Variants in SCRN1 observed in about 807,000 individuals in gnomAD.
The protein encoded by SCRN1 is secernin-1.
In SCRN1, 19 loss-of-function variants were observed where a neutral mutation model predicts 43.3. That is an observed-to-expected ratio of 0.44 (90% CI 0.31 to 0.64). The LOEUF is 0.64. SCRN1 is among the 30% of genes least tolerant of loss of function. The pLI is 0.09. For synonymous variants in SCRN1, 183 were observed against 188.9 expected, an observed-to-expected ratio of 0.97 and a Z score of 0.26; for missense variants, 447 against 524.1, an observed-to-expected ratio of 0.85 and a Z score of 1.44.
At position 29,940,882 on chromosome 7, in the gene SCRN1, G is replaced by C; in HGVS notation, c.545-6C>G. ...GCAAATGCACCTCACTCCCTCTGCA[G>C]AGAGTGCAAAGCCCCATAAGTTAAA... On this transcript the variant is annotated splice_polypyrimidine_tract_variant and splice_region_variant and intron_variant, in intron 4 of 7. Transcript: ENST00000242059. The C allele has an allele frequency of 6.6e-7, 1 of 1,514,424 alleles. No individual in the cohort carries two copies. The highest frequency in any genetic ancestry group is 8.8e-7 in the Non-Finnish European group (1 of 1,137,754). 93.8% of individuals were successfully genotyped at this position (1,514,424 alleles called of 1,614,324 possible).
At chr7:29,989,890 G>T, upstream of SCRN1, 1 of 1,014,702 alleles carries the variant, frequency 9.9e-7, no homozygotes, top group Non-Finnish European at 1.2e-6. Flanking sequence ...CCCGGCCCCC[G>T]GGGCCCCGCC....
In SCRN1 at chr7:29,965,123, A is replaced by G. The variant is rs1788446928; in HGVS notation, c.159+3786T>C. Among the ~76,000 whole-genome samples the G allele has an allele frequency of 6.6e-6, 1 of 152,148 alleles. No individual in the cohort carries two copies. The highest frequency in any genetic ancestry group is 2.1e-4 in the South Asian group (1 of 4,824). On this transcript the variant is annotated intron_variant, in intron 2 of 7. Coordinates refer to ENST00000242059, the MANE Select transcript of SCRN1 (RefSeq NM_014766.5). This position sits in a 1 kb window ranked among gnomAD's most constrained non-coding sequence, Gnocchi z 4.2. The stretch of plus-strand genomic sequence containing the variant: ...CTGTAAACATAAAACTGCTCTAAAA[A>G]TAGTCTATCAATTTAAAATAGAAAA...
intron 1 of SCRN1, among the ~76,000 whole-genome samples, chr7:29,977,795 ATAATGATAGG>A (rs1431013413): frequency 1.3e-5 from 2 of 152,230 alleles, no homozygotes; most frequent in Non-Finnish European, 2.9e-5. Context: ...TAAAAAAGGG[ATAATGATAGG>A]TAGTTCATTC....
intron 6 of SCRN1, 114 bp from the exon 7 acceptor site, chr7:29,926,746 GTGT>G: frequency 1.3e-6 from 1 of 746,974 alleles, no homozygotes; most frequent in Non-Finnish European, 2.0e-6. Flanking sequence ...TGGGTGGTGG[GTGT>G]GGGTGACGGG....
intron 5 of SCRN1, among the ~76,000 whole-genome samples, chr7:29,940,261 T>C (rs1787493560): frequency 6.6e-6 from 1 of 152,150 alleles, no homozygotes; most frequent in Non-Finnish European, 1.5e-5. Flanking sequence ...CAAGTATCCA[T>C]GGAACAAAAA....
chr7:29,947,797 G>A (rs1166508322), intron 3 of SCRN1, among the ~76,000 whole-genome samples: 1 of 152,182 alleles, frequency 6.6e-6, no homozygotes, highest in Admixed American at 6.5e-5. Context: ...GGTCATGAGG[G>A]GTGGAGGCAC....
At chr7:29,976,198 T>TA (rs1788832461) in intron 1 of SCRN1, among the ~76,000 whole-genome samples, 1 of 152,174 alleles carries the variant, frequency 6.6e-6, no homozygotes, top group African/African-American at 2.4e-5. Flanking sequence ...ATGATAGAAA[T>TA]AGTCTCTATC....
At chr7:29,939,986 C>T (rs916430658) in intron 5 of SCRN1, among the ~76,000 whole-genome samples, 1 of 113,106 alleles carries the variant, frequency 8.8e-6, no homozygotes, top group Non-Finnish European at 1.9e-5. Context: ...CCTGTCTCTA[C>T]AAAAAAAAAA....
At chr7:29,987,925 C>A (rs551303661) in intron 1 of SCRN1, among the ~76,000 whole-genome samples, 1 of 152,332 alleles carries the variant, frequency 6.6e-6, no homozygotes, top group African/African-American at 2.4e-5. Flanking sequence ...CCTCTGCCCC[C>A]CGACCTTAGC....
In SCRN1 at chr7:29,951,989, C is replaced by G. The variant is rs368406739; in HGVS notation, c.341+3190G>C. On this transcript the variant is annotated intron_variant, in intron 3 of 7. Transcript: ENST00000242059. Reference sequence around the variant, plus strand: ...AAAGAGCATGTGAAATGGACATAGCCTGCTCTCATAGAAGCTGTCCAGGGA... The same window carrying G: ...AAAGAGCATGTGAAATGGACATAGCGTGCTCTCATAGAAGCTGTCCAGGGA... 1.5e-3 allele frequency among the ~76,000 whole-genome samples: 236 copies of G among 152,304 alleles called. 1 individual carries two copies. The highest frequency in any genetic ancestry group is 5.5e-3 in the African/African-American group (229 of 41,570).
At chr7:29,946,818 A>C (rs927442391) in intron 3 of SCRN1, among the ~76,000 whole-genome samples, 1 of 152,230 alleles carries the variant, frequency 6.6e-6, no homozygotes, top group African/African-American at 2.4e-5. Context: ...TCCATAGTAC[A>C]TGGGCCGTGA....
chr7:29,947,519 G>T (rs987210422), intron 3 of SCRN1, among the ~76,000 whole-genome samples: 1 of 152,138 alleles, frequency 6.6e-6, no homozygotes, highest in Non-Finnish European at 1.5e-5. Context: ...AGGCAACACA[G>T]CCCCCTTAGA....
At chr7:29,925,671 TG>T (rs1212057539) in intron 7 of SCRN1, among the ~76,000 whole-genome samples, 2 of 152,122 alleles carry the variant, frequency 1.3e-5, no homozygotes, top group Admixed American at 6.6e-5. Context: ...GGTGTGGGAC[TG>T]GGGAGAGCTG....
intron 2 of SCRN1, among the ~76,000 whole-genome samples, chr7:29,964,149 A>T (rs183091840): frequency 3.5e-4 from 54 of 152,346 alleles, no homozygotes; most frequent in Non-Finnish European, 3.7e-4. Flanking sequence ...AAAATGAAAA[A>T]TTACATTTTA....
Position 29,923,885 on chromosome 7 carries a change from G to T in SCRN1, c.*72C>A. Reference sequence around the variant, plus strand: ...ACTTTCTCATTTTACTCAAACAGGAGAGTGGTTTGTTTTGCTGGTAATTTA... The same window carrying T: ...ACTTTCTCATTTTACTCAAACAGGATAGTGGTTTGTTTTGCTGGTAATTTA... On this transcript the variant is annotated 3_prime_UTR_variant, in exon 8 of 8. Transcript: ENST00000242059. 6.8e-7 allele frequency: 1 copy of T among 1,470,164 alleles called. No individual in the cohort carries two copies. The highest frequency in any genetic ancestry group is 1.3e-5 in the South Asian group (1 of 75,464). The allele number at this position is 1,470,164 out of a possible 1,614,324, so 91.1% of individuals were successfully genotyped here.
At chr7:29,986,594 T>C (rs565606976) in intron 1 of SCRN1, among the ~76,000 whole-genome samples, 1 of 152,284 alleles carries the variant, frequency 6.6e-6, no homozygotes, top group Admixed American at 6.5e-5. Flanking sequence ...TTTATCTGTA[T>C]TCTTATTCTT....
chr7:29,972,275 C>T (rs755635437), intron 1 of SCRN1, among the ~76,000 whole-genome samples: 2 of 152,162 alleles, frequency 1.3e-5, no homozygotes, highest in Non-Finnish European at 2.9e-5. Flanking sequence ...ATCTCATATG[C>T]TCCCTCTCTC....
At chr7:29,977,514 C>T (rs1788869486) in intron 1 of SCRN1, among the ~76,000 whole-genome samples, 2 of 152,120 alleles carry the variant, frequency 1.3e-5, no homozygotes, top group Admixed American at 6.6e-5. Context: ...ATGTAAATGC[C>T]AGCTGATGAA....
At chr7:29,974,693 T>TC (rs1788757743) in intron 1 of SCRN1, among the ~76,000 whole-genome samples, 1 of 150,598 alleles carries the variant, frequency 6.6e-6, no homozygotes, top group Non-Finnish European at 1.5e-5. Context: ...TTCTTTTTTT[T>TC]TTTTTTTTGA....
Sources: gnomAD v4.1 joint callset for allele counts (sites outside exome capture counted in the v4.1 genomes callset) on GRCh38, gnomAD v4.1.1 for gene constraint, Gnocchi (gnomAD v3.1) non-coding constraint, MANE v1.5 for transcripts, NCBI Gene and HGNC (gene_info 2026-07-23, HGNC 2026-07-21) for gene names.